The following CFAP45 variants were observed in gnomAD, a reference collection of about 807,000 sequenced individuals.
CFAP45 encodes the protein cilia and flagella associated protein 45, also known as cilia- and flagella-associated protein 45.
CFAP45 carries 43 observed loss-of-function variants against 75.6 expected under a neutral mutation model. That is an observed-to-expected ratio of 0.57 (90% CI 0.45 to 0.73). The LOEUF is 0.73. Among genes scored for constraint, CFAP45 ranks in the 30% least tolerant of loss-of-function variants. The probability of loss-of-function intolerance (pLI) is 0.00; values close to 1 mark genes in which losing one functional copy is unlikely to be tolerated. For missense variants in CFAP45, 689 were observed against 701.5 expected (o/e 0.98, Z 0.20); for synonymous variants, 223 against 244.6 (o/e 0.91, Z 0.82).
chr1:159,872,550 G>C lies in CFAP45; in HGVS notation c.1591C>G (p.Pro531Ala). 1 of 1,614,110 alleles carries C rather than the reference G, an allele frequency of 6.2e-7. No individual in the cohort carries two copies. Among genetic ancestry groups the C allele is most frequent in the Non-Finnish European group, 8.5e-7 (1 of 1,179,952 alleles). The change falls in exon 12 of 12, where the codon CCC (proline) becomes GCC (alanine). Residue 531 changes from proline (P) to alanine (A), a missense_variant. Pro to Ala is a conservative substitution (Grantham distance 27). Transcript: ENST00000368099. ...KLEELRATGL[P>A]EKYCIEAERK... ...TCAGCTTCAATGCAGTACTTCTCGG[G>C]AAGGCCAGTGGCTCTGCCGGGGAAA...
intron 11 of CFAP45, 97 bp downstream of exon 11, chr1:159,872,847 T>TG: frequency 8.3e-7 from 1 of 1,205,102 alleles, no homozygotes. Context: ...ATCTCTGCCA[T>TG]GGCCCTTCAC....
At position 159,886,550 on chromosome 1, in the gene CFAP45, T is replaced by C. The variant is rs765334726; in HGVS notation, c.728A>G (p.Gln243Arg). 6.2e-7 allele frequency: 1 copy of C among 1,614,202 alleles called. No homozygotes were observed. The highest frequency in any genetic ancestry group is 8.5e-7 in the Non-Finnish European group (1 of 1,180,032). ...EVERQKSIQR[Q>R]EELERKRREE... Reference sequence around the variant, plus strand: ...CCTCCTCTTCCTCTCCAGTTCCTCCTGCCTTTGAATGGATTTCTGCCGCTC... The same window carrying C: ...CCTCCTCTTCCTCTCCAGTTCCTCCCGCCTTTGAATGGATTTCTGCCGCTC... Residue 243 changes from glutamine (Q) to arginine (R), a missense_variant, in exon 6 of 12, where the codon CAG becomes CGG. By Grantham distance (43) the Gln-to-Arg change is conservative. Coordinates refer to ENST00000368099, the MANE Select transcript of CFAP45 (RefSeq NM_012337.3).
chr1:159,899,612 C>G (rs927458286), intron 1 of CFAP45, among the ~76,000 whole-genome samples: 1 of 151,924 alleles, frequency 6.6e-6, no homozygotes, highest in Non-Finnish European at 1.5e-5. Flanking sequence ...GGACTACAGG[C>G]GCCCGCCACC....
chr1:159,876,105 A>G (rs911664456), intron 10 of CFAP45, among the ~76,000 whole-genome samples: 17 of 152,104 alleles, frequency 1.1e-4, no homozygotes, highest in Admixed American at 4.6e-4. Flanking sequence ...TGCTTAATAT[A>G]TATTTGTCAA....
intron 7 of CFAP45, among the ~76,000 whole-genome samples, chr1:159,881,124 A>G (rs1649538895): frequency 1.3e-5 from 2 of 152,166 alleles, no homozygotes; most frequent in South Asian, 4.1e-4. Context: ...ATATTGCCTT[A>G]ATTGAGTGCT....
intron 4 of CFAP45, 97 bp downstream of exon 4, chr1:159,888,255 T>C (rs1649741465): frequency 7.8e-7 from 1 of 1,279,622 alleles, no homozygotes. Context: ...AAGTACATAA[T>C]TTGTGCCTCA....
At chr1:159,884,328 T>G (rs897021560) in intron 7 of CFAP45, 108 bp downstream of exon 7, 2 of 1,158,284 alleles carry the variant, frequency 1.7e-6, no homozygotes, top group Non-Finnish European at 2.4e-6. Flanking sequence ...TGTTGTGAAA[T>G]GAGCATGTGC....
rs1198478398 is a variant in CFAP45 at position 159,877,385 on chromosome 1, G to A, written c.1122C>T (p.Ala374=). 10 of 1,613,850 alleles carry A rather than the reference G, an allele frequency of 6.2e-6. No individual in the cohort carries two copies. The highest frequency in any genetic ancestry group is 8.5e-6 in the Non-Finnish European group (10 of 1,179,766). Reference sequence around the variant, plus strand: ...GGTAATCCTGGGCCTTCTCCTGCATGGCCCTCAAGCGTGCGATCTCCTTCT... The same window carrying A: ...GGTAATCCTGGGCCTTCTCCTGCATAGCCCTCAAGCGTGCGATCTCCTTCT... ...EKEKEIARLR[A]MQEKAQDYQA... The change falls in exon 9 of 12, where the codon GCC becomes GCT. Residue 374 remains alanine (A), a synonymous_variant. Coordinates refer to ENST00000368099, the MANE Select transcript of CFAP45 (RefSeq NM_012337.3).
rs1308196853 is a variant in CFAP45 at position 159,872,462 on chromosome 1, C to T, written c.*23G>A. 4 of 1,604,790 alleles carry T rather than the reference C, an allele frequency of 2.5e-6. No homozygotes were observed. The highest frequency in any genetic ancestry group is 3.4e-6 in the Non-Finnish European group (4 of 1,171,504). On this transcript the variant is annotated 3_prime_UTR_variant, in exon 12 of 12. Transcript: ENST00000368099. The stretch of plus-strand genomic sequence containing the variant: ...GGCAGAATCTGTCCCCCGAAGGCAT[C>T]CTGAGGGCCACGAAGGCTCCCCTCA...
intron 10 of CFAP45, chr1:159,876,270 GA>G (rs1649399491): frequency 4.2e-6 from 2 of 472,738 alleles, no homozygotes; most frequent in Non-Finnish European, 7.7e-6. Flanking sequence ...GAATGGACCA[GA>G]ATTTTACCTT....
chr1:159,882,540 T>C (rs1350008721), intron 7 of CFAP45, among the ~76,000 whole-genome samples: 1 of 152,174 alleles, frequency 6.6e-6, no homozygotes, highest in Non-Finnish European at 1.5e-5. Flanking sequence ...CCCCCTTTGT[T>C]AGCAAGGTGG....
intron 8 of CFAP45, among the ~76,000 whole-genome samples, chr1:159,879,615 A>G (rs1649500435): frequency 6.6e-6 from 1 of 152,224 alleles, no homozygotes; most frequent in South Asian, 2.1e-4. Flanking sequence ...TATTGCTTGC[A>G]TAGAGTGTCC....
intron 3 of CFAP45, among the ~76,000 whole-genome samples, chr1:159,889,849 G>A (rs1365242909): frequency 6.6e-6 from 1 of 152,206 alleles, no homozygotes; most frequent in Non-Finnish European, 1.5e-5. Flanking sequence ...CAGGGAGAAC[G>A]GTTGTAGAGG....
chr1:159,891,135 T>G (rs750631392), intron 2 of CFAP45, among the ~76,000 whole-genome samples: 13 of 151,972 alleles, frequency 8.6e-5, no homozygotes, highest in Non-Finnish European at 1.5e-4. Flanking sequence ...TAACAAGGAG[T>G]GGGGGTCACT....
chr1:159,875,525 G>C (rs767801713), intron 10 of CFAP45, among the ~76,000 whole-genome samples: 1 of 152,154 alleles, frequency 6.6e-6, no homozygotes, highest in Non-Finnish European at 1.5e-5. Context: ...TCTAACTAGG[G>C]GTCTGGGTAG....
At chr1:159,886,759 CAG>C (rs1649697954) in intron 5 of CFAP45, 70 bp from the exon 6 acceptor site, 1 of 1,298,400 alleles carries the variant, frequency 7.7e-7, no homozygotes, top group African/African-American at 1.5e-5. Flanking sequence ...GAAATGGAAA[CAG>C]AATGCTATAC....
In CFAP45 at chr1:159,888,359, G is replaced by A. The variant is rs960809910; in HGVS notation, c.410C>T (p.Ala137Val). ...CTTAGGGAGGTTAACTACCATGGTG[G>A]CTTCCTTCTCCTTCTTGAAGGCCTG... Reference protein sequence around the residue: ...RDQAFKKEKEATMDAVMTRKK... With the variant: ...RDQAFKKEKEVTMDAVMTRKK... The change falls in exon 4 of 12, where the codon GCC becomes GTC. Residue 137 changes from alanine (A) to valine (V), a missense_variant. Transcript: ENST00000368099. 6.2e-7 allele frequency: 1 copy of A among 1,613,930 alleles called. No individual in the cohort carries two copies. Among genetic ancestry groups the A allele is most frequent in the Non-Finnish European group, 8.5e-7 (1 of 1,179,986 alleles).
At chr1:159,888,142 C>G (rs1222585884) in intron 4 of CFAP45, 131 bp from the exon 5 acceptor site, 2 of 1,135,024 alleles carry the variant, frequency 1.8e-6, no homozygotes, top group Non-Finnish European at 2.5e-6. Context: ...CCAAGAAGTT[C>G]CACAGCCTGG....
At chr1:159,896,874 A>G (rs1649962344) in intron 1 of CFAP45, among the ~76,000 whole-genome samples, 1 of 152,258 alleles carries the variant, frequency 6.6e-6, no homozygotes, top group Non-Finnish European at 1.5e-5. Flanking sequence ...CTGATGCAGA[A>G]AGATTTGCTG....
Sources: gnomAD v4.1 joint callset for allele counts (sites outside exome capture counted in the v4.1 genomes callset) on GRCh38, gnomAD v4.1.1 for gene constraint, MANE v1.5 for transcripts, NCBI Gene and HGNC (gene_info 2026-07-23, HGNC 2026-07-21) for gene names.